Variants in SASH1 observed in about 807,000 individuals in gnomAD.
SASH1 encodes the protein SAM and SH3 domain-containing protein 1.
A neutral mutation model predicts 125.2 loss-of-function variants in SASH1; 44 were observed. The observed-to-expected ratio is 0.35, with a 90% CI of 0.28 to 0.45. The LOEUF (loss-of-function observed/expected upper bound fraction) is 0.45, where lower values mean the gene tolerates loss of function less well. Ranked by LOEUF, SASH1 falls within the 20% of genes least tolerant of loss-of-function variation. SASH1 has a pLI of 1.00. For missense variants in SASH1, 1,426 were observed against 1,614.5 expected (o/e 0.88, Z 2.00); for synonymous variants, 639 against 649.1 (o/e 0.98, Z 0.24).
At chr6:148,413,831 A>G (rs1583114462) in intron 2 of SASH1, among the ~76,000 whole-genome samples, 2 of 151,742 alleles carry the variant, frequency 1.3e-5, no homozygotes, top group South Asian at 2.1e-4. Context: ...TCTTCTTTCT[A>G]TGGGGAGAGT....
intron 7 of SASH1, among the ~76,000 whole-genome samples, chr6:148,477,639 C>T (rs1301185145): frequency 6.6e-6 from 1 of 151,746 alleles, no homozygotes; most frequent in African/African-American, 2.4e-5. Context: ...GATTCTCCTG[C>T]ATCGGCGTCC....
chr6:148,514,406 T>C lies in SASH1; in HGVS notation c.812T>C (p.Val271Ala). Residue 271 changes from valine (V) to alanine (A), a missense_variant, in exon 9 of 20, where the codon GTC becomes GCC. By Grantham distance (64) the Val-to-Ala change is moderately conservative. Transcript: ENST00000367467. The part of the protein sequence containing the change: ...LHKLVNSTRR[V>A]RKKLIRVEEM... ...AAGCTGGTAAACTCCACTCGCAGAGTCAGAAAGAAACTAATTAGGGTGGAA... is the reference window on the plus strand; with the variant it reads ...AAGCTGGTAAACTCCACTCGCAGAGCCAGAAAGAAACTAATTAGGGTGGAA... The C allele has an allele frequency of 2.0e-6, 3 of 1,533,376 alleles. No individual in the cohort carries two copies. Among genetic ancestry groups the C allele is most frequent in the Non-Finnish European group, 2.6e-6 (3 of 1,144,004 alleles). 95.0% of individuals were successfully genotyped at this position (1,533,376 alleles called of 1,614,324 possible).
chr6:148,263,630 C>G, the SASH1 span, among the ~76,000 whole-genome samples: 1 of 152,212 alleles, frequency 6.6e-6, no homozygotes, highest in Non-Finnish European at 1.5e-5. Context: ...AAGCGTCTGT[C>G]TGCATTTCCA....
the SASH1 span, among the ~76,000 whole-genome samples, chr6:148,222,491 C>T: frequency 1.3e-5 from 2 of 152,008 alleles, no homozygotes; most frequent in African/African-American, 4.8e-5. Flanking sequence ...CACTTCAAAT[C>T]GCTTCTGCCC....
chr6:148,297,609 C>A (rs958370407), intron 1 of SASH1, among the ~76,000 whole-genome samples: 1 of 152,162 alleles, frequency 6.6e-6, no homozygotes, highest in African/African-American at 2.4e-5. Flanking sequence ...AGGTGGATTG[C>A]CTGAGGTCAG....
intron 1 of SASH1, among the ~76,000 whole-genome samples, chr6:148,310,010 C>T (rs560566858): frequency 2.0e-5 from 3 of 152,246 alleles, no homozygotes; most frequent in South Asian, 2.1e-4. Flanking sequence ...AAGCATAGTA[C>T]AGGAAGTACA....
intron 1 of SASH1, among the ~76,000 whole-genome samples, chr6:148,291,262 G>A (rs1405698346): frequency 6.6e-6 from 1 of 152,220 alleles, no homozygotes; most frequent in Non-Finnish European, 1.5e-5. Flanking sequence ...TGAGGTGACA[G>A]ATACGCTAAT....
In SASH1 at chr6:148,495,728, A is replaced by T. The variant is rs1054973437; in HGVS notation, c.729+8013A>T. On this transcript the variant is annotated intron_variant, in intron 8 of 19. Transcript: ENST00000367467. This position sits in a 1 kb window ranked among gnomAD's most constrained non-coding sequence, Gnocchi z 4.0. ...TGAATATTGATTAGATGCATAAATT[A>T]TGTGAAGAGTGACACATACTGTAGT... Among the ~76,000 whole-genome samples, 4 of 152,240 alleles carry T rather than the reference A, an allele frequency of 2.6e-5. No homozygotes were observed. Among genetic ancestry groups the T allele is most frequent in the Non-Finnish European group, 4.4e-5 (3 of 68,040 alleles).
intron 1 of SASH1, among the ~76,000 whole-genome samples, chr6:148,366,725 G>A (rs1782473786): frequency 6.6e-6 from 1 of 151,060 alleles, no homozygotes. Flanking sequence ...AGCCTCCTGA[G>A]TAGCTGGGAT....
At chr6:148,253,505 T>C in the SASH1 span, among the ~76,000 whole-genome samples, 1 of 152,216 alleles carries the variant, frequency 6.6e-6, no homozygotes, top group African/African-American at 2.4e-5. Flanking sequence ...AATGATTTCT[T>C]AGAGATGACA....
At chr6:148,487,582 TC>T (rs1778932312) in intron 7 of SASH1, 31 bp from the exon 8 acceptor site, 1 of 1,522,806 alleles carries the variant, frequency 6.6e-7, no homozygotes, top group Non-Finnish European at 9.1e-7. Context: ...GGCCATTCTT[TC>T]CATTTCAGTA....
chr6:148,220,818 G>A, the SASH1 span, among the ~76,000 whole-genome samples: 1 of 152,194 alleles, frequency 6.6e-6, no homozygotes, highest in African/African-American at 2.4e-5. Flanking sequence ...GGAGGCTGAG[G>A]CATGACAATC....
At chr6:148,342,599 A>AAG (rs1781363048), upstream of SASH1, 1 of 152,048 alleles carries the variant, frequency 6.6e-6, no homozygotes, top group Non-Finnish European at 1.5e-5. Context: ...GCTCATTTTG[A>AAG]AGAGAGGGGT....
intron 17 of SASH1, among the ~76,000 whole-genome samples, chr6:148,542,721 G>T (rs1265995353): frequency 3.3e-5 from 5 of 152,196 alleles, no homozygotes; most frequent in Non-Finnish European, 7.3e-5. Flanking sequence ...CTAGGCTGAT[G>T]ATCTTTATGT....
At chr6:148,224,619 C>T in the SASH1 span, among the ~76,000 whole-genome samples, 1 of 152,078 alleles carries the variant, frequency 6.6e-6, no homozygotes. Flanking sequence ...CCTGGGCCTC[C>T]CAAAGTGCTG....
chr6:148,327,441 C>T (rs11155560), intron 1 of SASH1, among the ~76,000 whole-genome samples: 113,764 of 151,204 alleles, frequency 0.75, 43,178 homozygotes, highest in East Asian at 0.91. Context: ...CCTGCCACCA[C>T]GCCCGGCTAA....
At chr6:148,433,232 A>G (rs1413840544) in intron 2 of SASH1, among the ~76,000 whole-genome samples, 1 of 152,110 alleles carries the variant, frequency 6.6e-6, no homozygotes, top group African/African-American at 2.4e-5. Context: ...CTTTTTAACT[A>G]TACCATACTA....
At chr6:148,420,256 A>C (rs957134786) in intron 2 of SASH1, among the ~76,000 whole-genome samples, 4 of 152,208 alleles carry the variant, frequency 2.6e-5, no homozygotes, top group African/African-American at 9.6e-5. Flanking sequence ...GGTCTGTAGA[A>C]GGAATAACAT....
chr6:148,377,646 C>T (rs1379274699), intron 1 of SASH1, among the ~76,000 whole-genome samples: 3 of 152,174 alleles, frequency 2.0e-5, no homozygotes, highest in African/African-American at 7.2e-5. Flanking sequence ...ACTCTTAATT[C>T]ATCTTTGAAA....
Sources: gnomAD v4.1 joint callset for allele counts (sites outside exome capture counted in the v4.1 genomes callset) on GRCh38, gnomAD v4.1.1 for gene constraint, Gnocchi (gnomAD v3.1) non-coding constraint, MANE v1.5 for transcripts, NCBI Gene and HGNC (gene_info 2026-07-23, HGNC 2026-07-21) for gene names.